Variants in SYNPO2 observed in about 807,000 individuals in gnomAD.
The protein encoded by SYNPO2 is synaptopodin-2.
SYNPO2 carries 56 observed loss-of-function variants against 85.0 expected under a neutral mutation model. The ratio of observed to expected loss-of-function variants is 0.66; its 90% CI spans 0.53 to 0.82. The LOEUF is 0.82. Ranked by LOEUF, SYNPO2 falls within the 40% of genes least tolerant of loss-of-function variation. The pLI is 0.00. For missense variants in SYNPO2, 1,575 were observed against 1,534.2 expected (o/e 1.03, Z -0.44); for synonymous variants, 602 against 591.1 (o/e 1.02, Z -0.27).
In SYNPO2 at chr4:118,997,239, C is replaced by CAAAAAAAAAAAAAAAA. The variant is rs1434428754; in HGVS notation, c.106-26188_106-26173dup. 5.6e-3 allele frequency among the ~76,000 whole-genome samples: 364 copies of CAAAAAAAAAAAAAAAA among 64,766 alleles called. 7 individuals carry two copies. The highest frequency in any genetic ancestry group is 6.6e-3 in the Non-Finnish European group (223 of 33,888). 42.5% of individuals were successfully genotyped at this position (64,766 alleles called of 152,430 possible). ...TGGGCGACAGAGCGAGACTCCGTCT[C>CAAAAAAAAAAAAAAAA]AAAAAAAAAAAAAAAAAATTAAAAG... On this transcript the variant is annotated intron_variant, in intron 1 of 4. Coordinates refer to ENST00000307142, the MANE Select transcript of SYNPO2 (RefSeq NM_133477.3).
intron 1 of SYNPO2, among the ~76,000 whole-genome samples, chr4:118,880,864 A>G (rs1203613384): frequency 6.6e-6 from 1 of 152,174 alleles, no homozygotes; most frequent in Non-Finnish European, 1.5e-5. Context: ...CAGGTAATTC[A>G]GTATTACTTA....
intron 1 of SYNPO2, among the ~76,000 whole-genome samples, chr4:118,985,195 T>TA (rs34917414): frequency 0.85 from 129,863 of 152,180 alleles, 55,506 homozygotes; most frequent in Middle Eastern, 0.94. Flanking sequence ...TAGCAGGGTT[T>TA]GGGGGAAGGT....
chr4:118,984,065 G>C (rs969092644), intron 1 of SYNPO2, among the ~76,000 whole-genome samples: 3 of 152,098 alleles, frequency 2.0e-5, no homozygotes, highest in Non-Finnish European at 4.4e-5. Context: ...TCTATTTCCA[G>C]CCTTCATTTC....
At chr4:119,011,474 G>A (rs1010147939) in intron 1 of SYNPO2, among the ~76,000 whole-genome samples, 1 of 152,176 alleles carries the variant, frequency 6.6e-6, no homozygotes, top group African/African-American at 2.4e-5. Context: ...CGTTGCCTTT[G>A]CTGGGGAAGA....
intron 1 of SYNPO2, among the ~76,000 whole-genome samples, chr4:118,909,906 C>T (rs1210783998): frequency 6.6e-6 from 1 of 152,194 alleles, no homozygotes; most frequent in African/African-American, 2.4e-5. Flanking sequence ...TGAGACGACA[C>T]CGCAGTTGTA....
intron 1 of SYNPO2, among the ~76,000 whole-genome samples, chr4:118,998,444 A>C (rs1290066184): frequency 1.3e-5 from 2 of 152,204 alleles, no homozygotes; most frequent in Non-Finnish European, 2.9e-5. Flanking sequence ...TAATCATGAA[A>C]ACTTTAAAAA....
At chr4:118,862,896 C>T (rs546060552) in intron 1 of SYNPO2, among the ~76,000 whole-genome samples, 4 of 151,966 alleles carry the variant, frequency 2.6e-5, no homozygotes, top group East Asian at 1.9e-4. Flanking sequence ...CTGCAACCTC[C>T]GCATCCTGGG....
intron 1 of SYNPO2, among the ~76,000 whole-genome samples, chr4:118,856,188 T>C (rs562172498): frequency 3.0e-4 from 45 of 152,358 alleles, no homozygotes; most frequent in African/African-American, 9.9e-4. Context: ...TGCCTAGCAC[T>C]GTGTGCAAGT....
chr4:118,854,136 C>T (rs1053118415), intron 1 of SYNPO2, among the ~76,000 whole-genome samples: 1 of 152,106 alleles, frequency 6.6e-6, no homozygotes, highest in African/African-American at 2.4e-5. Flanking sequence ...AATTTCCCAT[C>T]CAGCAATGGA....
chr4:119,030,613 T>C lies in SYNPO2; in HGVS notation c.1838T>C (p.Ile613Thr), dbSNP rs955270789. The C allele has an allele frequency of 6.2e-7, 1 of 1,613,916 alleles. No individual in the cohort carries two copies. The highest frequency in any genetic ancestry group is 1.3e-5 in the African/African-American group (1 of 74,868). Reference sequence around the variant, plus strand: ...CCAACCCGAAACATGACGAGTCCCATTGCTGACTTTCCTGCACCTCCACCT... The same window carrying C: ...CCAACCCGAAACATGACGAGTCCCACTGCTGACTTTCCTGCACCTCCACCT... ...FSPTRNMTSP[I>T]ADFPAPPPYS... is the part of the protein sequence containing the mutation. Residue 613 changes from isoleucine to threonine, a missense_variant, in exon 4 of 5, where the codon ATT becomes ACT. Physicochemically the swap from Ile to Thr is moderately conservative, Grantham distance 89. Coordinates refer to ENST00000307142, the MANE Select transcript of SYNPO2 (RefSeq NM_133477.3).
intron 1 of SYNPO2, among the ~76,000 whole-genome samples, chr4:118,883,731 T>G (rs912497417): frequency 4.0e-5 from 6 of 151,714 alleles, no homozygotes; most frequent in Non-Finnish European, 8.8e-5. Flanking sequence ...TTTCTCTTGC[T>G]TTTATTCCTA....
intron 1 of SYNPO2, among the ~76,000 whole-genome samples, chr4:118,938,164 C>T (rs62326843): frequency 0.72 from 109,826 of 151,730 alleles, 42,505 homozygotes; most frequent in South Asian, 0.89. Flanking sequence ...ATTAGCCAGG[C>T]GGTAGGCTGT....
intron 1 of SYNPO2, among the ~76,000 whole-genome samples, chr4:118,918,013 A>T (rs1578548951): frequency 6.6e-6 from 1 of 152,206 alleles, no homozygotes; most frequent in East Asian, 1.9e-4. Flanking sequence ...CAGTTTTCCC[A>T]TCAAATTGTT....
At chr4:118,906,938 G>A (rs56144225) in intron 1 of SYNPO2, among the ~76,000 whole-genome samples, 2,341 of 151,904 alleles carry the variant, frequency 0.015, 30 homozygotes, top group Non-Finnish European at 0.021. Flanking sequence ...CTCCTAAGTA[G>A]CTAGGACCAC....
At chr4:118,875,206 G>A (rs1355609790) in intron 1 of SYNPO2, among the ~76,000 whole-genome samples, 1 of 152,136 alleles carries the variant, frequency 6.6e-6, no homozygotes, top group Non-Finnish European at 1.5e-5. Flanking sequence ...TTTTATGGCT[G>A]CATGGTATTC....
chr4:118,958,827 G>T (rs551228764), intron 1 of SYNPO2, among the ~76,000 whole-genome samples: 6 of 152,140 alleles, frequency 3.9e-5, no homozygotes, highest in Non-Finnish European at 8.8e-5. Flanking sequence ...GATTTTGAGC[G>T]TTAAGTTCTA....
intron 4 of SYNPO2, among the ~76,000 whole-genome samples, chr4:119,056,026 AT>A (rs1561034771): frequency 6.6e-6 from 1 of 152,202 alleles, no homozygotes; most frequent in East Asian, 1.9e-4. Context: ...ATTAGAGCAC[AT>A]TTTTAAGCAT....
chr4:119,023,522 C>T lies in SYNPO2; in HGVS notation c.198C>T (p.Tyr66=), dbSNP rs1433262120. ...INGNPCADLT[Y]PEVIKLMESI... ...GCAACCCTTGTGCAGATCTCACCTA[C>T]CCTGAAGTCATCAAGCTCATGGAAA... Residue 66 remains tyrosine (Y), a synonymous_variant, in exon 2 of 5, where the codon TAC becomes TAT. Transcript: ENST00000307142. 8 of 1,613,522 alleles carry T rather than the reference C, an allele frequency of 5.0e-6. No homozygotes were observed. The highest frequency in any genetic ancestry group is 5.9e-6 in the Non-Finnish European group (7 of 1,179,784).
chr4:119,037,318 A>G, intron 4 of SYNPO2: 18 of 1,292,044 alleles, frequency 1.4e-5, no homozygotes, highest in Non-Finnish European at 1.8e-5. Flanking sequence ...TTAAATCAAA[A>G]GATTGTACTT....
Sources: gnomAD v4.1 joint callset for allele counts (sites outside exome capture counted in the v4.1 genomes callset) on GRCh38, gnomAD v4.1.1 for gene constraint, MANE v1.5 for transcripts, NCBI Gene and HGNC (gene_info 2026-07-23, HGNC 2026-07-21) for gene names.